The following DCAF8L2 variants were observed in gnomAD, a reference collection of about 807,000 sequenced individuals.
DCAF8L2 encodes the protein DDB1- and CUL4-associated factor 8-like protein 2.
For synonymous variants in DCAF8L2, 200 were observed against 190.9 expected, an observed-to-expected ratio of 1.05 and a Z score of -0.39; for missense variants, 430 against 490.7, an observed-to-expected ratio of 0.88 and a Z score of 1.17.
At chrX:27,658,172 T>G (rs2147208677) in intron 2 of DCAF8L2, among the ~76,000 whole-genome samples, 1 of 112,639 alleles carries the variant, frequency 8.9e-6, no homozygotes, top group Admixed American at 9.4e-5. Context: ...ACCACAGGAT[T>G]AGTGCTAATT....
At chrX:27,556,888 G>A in the DCAF8L2 span, among the ~76,000 whole-genome samples, 2 of 112,021 alleles carry the variant, frequency 1.8e-5, no homozygotes, top group African/African-American at 6.5e-5. Flanking sequence ...GTGAGAATAG[G>A]AACAGGGATA....
the DCAF8L2 span, among the ~76,000 whole-genome samples, chrX:27,485,924 CTTTTT>C: frequency 3.4e-5 from 2 of 58,838 alleles, no homozygotes; most frequent in Non-Finnish European, 3.0e-5. Flanking sequence ...TTCTTTTTCT[CTTTTT>C]TTTTTTTTTT....
chrX:27,689,419 T>A (rs778354114), intron 3 of DCAF8L2, among the ~76,000 whole-genome samples: 3 of 112,104 alleles, frequency 2.7e-5, no homozygotes, highest in South Asian at 3.7e-4. Flanking sequence ...TAATTTTTTG[T>A]ATTTTTAGTA....
chrX:27,738,541 C>T (rs566095356), intron 4 of DCAF8L2, among the ~76,000 whole-genome samples: 158 of 112,041 alleles, frequency 1.4e-3, no homozygotes, highest in Admixed American at 8.2e-3. Flanking sequence ...TGTCCCCCAT[C>T]CCCAACTCTC....
At chrX:27,506,148 ATATT>A in the DCAF8L2 span, among the ~76,000 whole-genome samples, 1 of 112,183 alleles carries the variant, frequency 8.9e-6, no homozygotes, top group Non-Finnish European at 1.9e-5. Context: ...TGAGAAAAAA[ATATT>A]TATCATTGAA....
chrX:27,700,089 G>C (rs2078409285), intron 3 of DCAF8L2, among the ~76,000 whole-genome samples: 1 of 111,051 alleles, frequency 9.0e-6, no homozygotes, highest in African/African-American at 3.3e-5. Context: ...ATTTTATACT[G>C]ATAAAATCTA....
At chrX:27,470,587 G>A in the DCAF8L2 span, among the ~76,000 whole-genome samples, 2 of 111,808 alleles carry the variant, frequency 1.8e-5, no homozygotes, top group Non-Finnish European at 3.8e-5. Context: ...CAGACATGTG[G>A]GTTTTCTGGG....
the DCAF8L2 span, among the ~76,000 whole-genome samples, chrX:27,546,789 G>C: frequency 8.9e-6 from 1 of 111,971 alleles, no homozygotes; most frequent in Non-Finnish European, 1.9e-5. Context: ...AATGCCCTGA[G>C]GCTACACAGA....
intron 1 of DCAF8L2, among the ~76,000 whole-genome samples, chrX:27,592,823 G>C (rs1209371247): frequency 9.8e-6 from 1 of 102,059 alleles, no homozygotes; most frequent in Non-Finnish European, 2.0e-5. Flanking sequence ...TTTTGAGACA[G>C]AGTTTCACTC....
the DCAF8L2 span, among the ~76,000 whole-genome samples, chrX:27,572,558 C>A: frequency 8.9e-6 from 1 of 112,117 alleles, no homozygotes; most frequent in South Asian, 3.7e-4. Context: ...TGTTTCATAT[C>A]TTTATGTGAA....
At chrX:27,644,109 A>T (rs1432467161) in intron 2 of DCAF8L2, among the ~76,000 whole-genome samples, 1 of 111,902 alleles carries the variant, frequency 8.9e-6, no homozygotes, top group African/African-American at 3.3e-5. Flanking sequence ...TGTCTAAAAT[A>T]TCACCTGCCA....
the DCAF8L2 span, among the ~76,000 whole-genome samples, chrX:27,510,183 G>T: frequency 9.2e-6 from 1 of 109,186 alleles, no homozygotes; most frequent in Non-Finnish European, 1.9e-5. Context: ...TATGCTCTAG[G>T]CTTTTCCAAG....
At chrX:27,676,007 T>A (rs1930127322) in intron 2 of DCAF8L2, among the ~76,000 whole-genome samples, 1 of 112,274 alleles carries the variant, frequency 8.9e-6, no homozygotes, top group Non-Finnish European at 1.9e-5. Flanking sequence ...TTTGCATAAC[T>A]AAATGTAGAC....
chrX:27,518,425 G>A, the DCAF8L2 span: 3 of 593,927 alleles, frequency 5.1e-6, no homozygotes, highest in Admixed American at 7.3e-5. Context: ...GAAATATATG[G>A]TGTCAACTAT....
chrX:27,594,654 T>A (rs1926267013), intron 1 of DCAF8L2, among the ~76,000 whole-genome samples: 1 of 111,812 alleles, frequency 8.9e-6, no homozygotes, highest in Admixed American at 9.5e-5. Context: ...TACCAGTTAC[T>A]GTTAATATTT....
chrX:27,483,206 C>T, the DCAF8L2 span, among the ~76,000 whole-genome samples: 1 of 111,081 alleles, frequency 9.0e-6, no homozygotes, highest in African/African-American at 3.3e-5. Context: ...AGTGTTCAAC[C>T]TCAACCTCAA....
intron 4 of DCAF8L2, among the ~76,000 whole-genome samples, chrX:27,734,591 T>C (rs1921415099): frequency 8.9e-6 from 1 of 112,144 alleles, no homozygotes; most frequent in African/African-American, 3.2e-5. Context: ...GGCACCACTC[T>C]CAATAATAAT....
chrX:27,514,480 T>G, the DCAF8L2 span, among the ~76,000 whole-genome samples: 8,820 of 105,473 alleles, frequency 0.084, 349 homozygotes, highest in Non-Finnish European at 0.12. Context: ...CCATCCCGGC[T>G]AAAACGGTGA....
At chrX:27,518,480 C>T in the DCAF8L2 span, 4 of 436,717 alleles carry the variant, frequency 9.2e-6, no homozygotes, top group African/African-American at 2.4e-5. Context: ...GTGGCTCATG[C>T]CTGTAATCCA....
Sources: allele counts gnomAD v4.1 joint callset (sites outside exome capture counted in the v4.1 genomes callset), GRCh38; gene constraint gnomAD v4.1.1; transcripts MANE v1.5; gene names NCBI Gene and HGNC (gene_info 2026-07-23, HGNC 2026-07-21).